RBMS3: variants seen among roughly 807,000 people sequenced by gnomAD.
RBMS3 encodes the protein RNA binding motif single stranded interacting protein 3.
RBMS3 carries 27 observed loss-of-function variants against 66.8 expected under a neutral mutation model. The ratio of observed to expected loss-of-function variants is 0.40; its 90% CI spans 0.30 to 0.56. The LOEUF is 0.56. RBMS3 is among the 20% of genes least tolerant of loss of function. RBMS3 has a pLI of 0.40. For synonymous variants in RBMS3, 188 were observed against 183.0 expected (o/e 1.03, Z -0.22); for missense variants, 513 against 549.5 (o/e 0.93, Z 0.66).
chr3:29,334,155 G>A (rs2035818605), intron 1 of RBMS3, among the ~76,000 whole-genome samples: 2 of 152,110 alleles, frequency 1.3e-5, no homozygotes, highest in Non-Finnish European at 2.9e-5. Flanking sequence ...TCTTAAAAAT[G>A]GTGCCTGTGA....
chr3:29,620,139 G>A (rs73048471), intron 4 of RBMS3, among the ~76,000 whole-genome samples: 16,408 of 152,088 alleles, frequency 0.11, 1,005 homozygotes, highest in African/African-American at 0.17. Context: ...AAATTTTGGA[G>A]ATATTAAAGG....
At chr3:29,574,006 C>T (rs2047026500) in intron 3 of RBMS3, among the ~76,000 whole-genome samples, 1 of 152,126 alleles carries the variant, frequency 6.6e-6, no homozygotes, top group East Asian at 1.9e-4. Flanking sequence ...GAATGATCCA[C>T]ATGATGAGGA....
intron 1 of RBMS3, among the ~76,000 whole-genome samples, chr3:29,374,131 C>T (rs1242502334): frequency 6.6e-6 from 1 of 152,122 alleles, no homozygotes; most frequent in Non-Finnish European, 1.5e-5. Flanking sequence ...TGACTTTTCT[C>T]CATCTGCATG....
chr3:29,899,280 G>C (rs1319796796), intron 9 of RBMS3, among the ~76,000 whole-genome samples: 1 of 151,658 alleles, frequency 6.6e-6, no homozygotes, highest in Non-Finnish European at 1.5e-5. Context: ...TTTCTAAAAT[G>C]GGATCACTTG....
chr3:29,615,739 A>G (rs2048649124), intron 4 of RBMS3, among the ~76,000 whole-genome samples: 1 of 152,162 alleles, frequency 6.6e-6, no homozygotes, highest in South Asian at 2.1e-4. Context: ...CATAATTTTG[A>G]ATTCCATTTC....
chr3:29,531,889 G>A (rs185906687), intron 3 of RBMS3, among the ~76,000 whole-genome samples: 4 of 152,158 alleles, frequency 2.6e-5, no homozygotes, highest in Non-Finnish European at 5.9e-5. Flanking sequence ...CTTTTGTCAC[G>A]TAGCAATTCC....
In RBMS3 at chr3:29,928,211, T is replaced by TACACACAC. The variant is rs1175604100; in HGVS notation, c.940-7857_940-7850dup. Among the ~76,000 whole-genome samples, 263 of 93,492 alleles carry TACACACAC rather than the reference T, an allele frequency of 2.8e-3. 3 individuals carry two copies. Among genetic ancestry groups the TACACACAC allele is most frequent in the African/African-American group, 0.01 (245 of 23,642 alleles). 61.3% of individuals were successfully genotyped at this position (93,492 alleles called of 152,430 possible). ...ATATATATATATATATATATATATATACACACACACACACACACACACACA... is the reference window on the plus strand; with the variant it reads ...ATATATATATATATATATATATATATACACACACACACACACACACACACACACACACA... On this transcript the variant is annotated intron_variant, in intron 10 of 14. Coordinates refer to ENST00000383767, the MANE Select transcript of RBMS3 (RefSeq NM_001003793.3).
At chr3:29,933,666 C>T (rs1344779491) in intron 10 of RBMS3, among the ~76,000 whole-genome samples, 1 of 152,150 alleles carries the variant, frequency 6.6e-6, no homozygotes, top group South Asian at 2.1e-4. Flanking sequence ...TATTTATGTG[C>T]AATAACTGAT....
chr3:29,511,451 A>C lies in RBMS3; in HGVS notation c.307+22952A>C. ...GGTGTTTTGTGTCACTTTAATATTC[A>C]GTATATAACATGTGGAGAACTAGTT... On this transcript the variant is annotated intron_variant, in intron 3 of 14. Transcript: ENST00000383767. Among the ~76,000 whole-genome samples, 2 of 152,220 alleles carry C rather than the reference A, an allele frequency of 1.3e-5. 1 individual carries two copies. The highest frequency in any genetic ancestry group is 2.9e-5 in the Non-Finnish European group (2 of 68,038).
At chr3:29,758,574 G>A (rs1053685423) in intron 5 of RBMS3, among the ~76,000 whole-genome samples, 5 of 152,116 alleles carry the variant, frequency 3.3e-5, no homozygotes, top group Non-Finnish European at 7.4e-5. Flanking sequence ...TGTAAGGGAG[G>A]CCTCTCTGCT....
chr3:29,389,307 A>G (rs2039171437), intron 1 of RBMS3, among the ~76,000 whole-genome samples: 1 of 152,100 alleles, frequency 6.6e-6, no homozygotes, highest in African/African-American at 2.4e-5. Flanking sequence ...AACCTCTGAT[A>G]AGGTAAGTTT....
At chr3:30,003,601 T>A (rs567202402) in intron 14 of RBMS3, among the ~76,000 whole-genome samples, 1 of 152,088 alleles carries the variant, frequency 6.6e-6, no homozygotes, top group South Asian at 2.1e-4. Flanking sequence ...ACTCAAAGGA[T>A]CTGTAAGGAG....
chr3:29,654,276 G>T (rs552134748), intron 4 of RBMS3, among the ~76,000 whole-genome samples: 5 of 152,284 alleles, frequency 3.3e-5, no homozygotes, highest in Admixed American at 2.6e-4. Flanking sequence ...GGTGATGAAA[G>T]AATCTAGATT....
chr3:29,335,067 G>A (rs1326387326), intron 1 of RBMS3, among the ~76,000 whole-genome samples: 1 of 151,762 alleles, frequency 6.6e-6, no homozygotes, highest in Non-Finnish European at 1.5e-5. Context: ...TGCCTTTTTT[G>A]CTGTTAACAT....
intron 4 of RBMS3, among the ~76,000 whole-genome samples, chr3:29,670,036 C>G (rs900469351): frequency 6.6e-6 from 1 of 152,166 alleles, no homozygotes; most frequent in African/African-American, 2.4e-5. Context: ...TCTCTTTTAA[C>G]AAAGAGATCA....
chr3:29,837,729 C>T (rs933921825), intron 6 of RBMS3, among the ~76,000 whole-genome samples: 2 of 125,442 alleles, frequency 1.6e-5, no homozygotes, highest in African/African-American at 6.2e-5. Context: ...TAACTGTGAA[C>T]CCTGATGAGG....
chr3:29,847,649 T>A (rs527578086), intron 6 of RBMS3, among the ~76,000 whole-genome samples: 62 of 152,122 alleles, frequency 4.1e-4, no homozygotes, highest in Middle Eastern at 3.4e-3. Flanking sequence ...TGTTTTATTT[T>A]TTTTTTTTTA....
chr3:29,360,314 C>T, intron 1 of RBMS3, among the ~76,000 whole-genome samples: 1 of 151,606 alleles, frequency 6.6e-6, no homozygotes, highest in East Asian at 1.9e-4. Context: ...ACCCAGTAGT[C>T]ATTCAGGAGC....
intron 2 of RBMS3, among the ~76,000 whole-genome samples, chr3:29,438,889 A>C (rs1199243587): frequency 6.6e-6 from 1 of 152,226 alleles, no homozygotes; most frequent in Non-Finnish European, 1.5e-5. Flanking sequence ...TGCAACTGTA[A>C]GTGCAAAAGA....
Sources: allele counts gnomAD v4.1 joint callset (sites outside exome capture counted in the v4.1 genomes callset), GRCh38; gene constraint gnomAD v4.1.1; transcripts MANE v1.5; gene names NCBI Gene and HGNC (gene_info 2026-07-23, HGNC 2026-07-21).